The following FNDC3A variants were observed in gnomAD, a reference collection of about 807,000 sequenced individuals.
FNDC3A encodes the protein fibronectin type-III domain-containing protein 3A.
FNDC3A carries 32 observed loss-of-function variants against 148.9 expected under a neutral mutation model. The ratio of observed to expected loss-of-function variants is 0.21; its 90% CI spans 0.16 to 0.29. The LOEUF (loss-of-function observed/expected upper bound fraction) is 0.29. FNDC3A is among the 10% of genes least tolerant of loss of function. FNDC3A has a pLI of 1.00. For synonymous variants in FNDC3A, 472 were observed against 473.6 expected (o/e 1.00, Z 0.04); for missense variants, 1,191 against 1,452.8 (o/e 0.82, Z 2.93).
chr13:49,108,171 G>T (rs1297796912), intron 3 of FNDC3A, among the ~76,000 whole-genome samples: 1 of 152,144 alleles, frequency 6.6e-6, no homozygotes, highest in East Asian at 1.9e-4. Flanking sequence ...TAGAATGAAA[G>T]ACACGAGTTC....
At chr13:49,091,099 G>T (rs1426513598) in intron 3 of FNDC3A, among the ~76,000 whole-genome samples, 3 of 152,100 alleles carry the variant, frequency 2.0e-5, no homozygotes, top group Non-Finnish European at 4.4e-5. Context: ...CCTTGGCAAA[G>T]AGATAGTCTA....
At chr13:49,073,783 G>A (rs912180243) in intron 2 of FNDC3A, among the ~76,000 whole-genome samples, 21 of 142,688 alleles carry the variant, frequency 1.5e-4, no homozygotes, top group African/African-American at 5.4e-4. Flanking sequence ...ATATATATGT[G>A]TATATATTAT....
At chr13:49,181,001 A>G (rs527513735) in intron 14 of FNDC3A, among the ~76,000 whole-genome samples, 22 of 152,314 alleles carry the variant, frequency 1.4e-4, no homozygotes, top group African/African-American at 3.8e-4. Flanking sequence ...GGATCATATG[A>G]GCCCAGGATT....
intron 8 of FNDC3A, among the ~76,000 whole-genome samples, chr13:49,161,548 A>G (rs1884120424): frequency 6.6e-6 from 1 of 151,954 alleles, no homozygotes; most frequent in Admixed American, 6.6e-5. Context: ...ATGGGTCCTG[A>G]CTGTTTATCC....
chr13:49,170,093 G>A (rs1273958734), intron 10 of FNDC3A, among the ~76,000 whole-genome samples: 1 of 152,146 alleles, frequency 6.6e-6, no homozygotes, highest in Non-Finnish European at 1.5e-5. Context: ...TATATAAGAT[G>A]TAGGTGGTGG....
intron 2 of FNDC3A, among the ~76,000 whole-genome samples, chr13:49,050,975 C>T (rs1593519873): frequency 6.6e-6 from 1 of 152,118 alleles, no homozygotes; most frequent in East Asian, 1.9e-4. Context: ...CCTACTCCTA[C>T]TTTTGGTGTA....
chr13:49,021,480 C>T (rs557597791), intron 2 of FNDC3A, among the ~76,000 whole-genome samples: 4 of 152,270 alleles, frequency 2.6e-5, no homozygotes, highest in African/African-American at 7.2e-5. Flanking sequence ...GAGACTTTTA[C>T]GGTATTCCAA....
chr13:49,187,800 A>G (rs1885665536), intron 16 of FNDC3A: 1 of 641,564 alleles, frequency 1.6e-6, no homozygotes, highest in Non-Finnish European at 2.8e-6. Context: ...TTTGCCTGTT[A>G]TGATCCACTT....
In FNDC3A at chr13:49,014,556, C is replaced by G. The variant is rs1246823526; in HGVS notation, c.99+8267C>G. ...TCTCCCATTTTGTAGGTTGCCTGTTCACTCTGATGGTAGTTTCTTTTGCTG... is the reference window on the plus strand; with the variant it reads ...TCTCCCATTTTGTAGGTTGCCTGTTGACTCTGATGGTAGTTTCTTTTGCTG... On this transcript the variant is annotated intron_variant, in intron 2 of 25. Coordinates refer to ENST00000492622, the MANE Select transcript of FNDC3A (RefSeq NM_001079673.2). Among the ~76,000 whole-genome samples the G allele has an allele frequency of 2.7e-3, 406 of 149,038 alleles. 1 individual carries two copies. Among genetic ancestry groups the G allele is most frequent in the African/African-American group, 9.5e-3 (387 of 40,620 alleles).
chr13:49,183,055 A>G (rs549050223), intron 14 of FNDC3A, among the ~76,000 whole-genome samples: 4 of 152,282 alleles, frequency 2.6e-5, no homozygotes, highest in Middle Eastern at 3.4e-3. Flanking sequence ...TTAGTTTGAT[A>G]TAAGATTCTT....
At chr13:49,137,751 G>C (rs889885903) in intron 6 of FNDC3A, among the ~76,000 whole-genome samples, 1 of 152,218 alleles carries the variant, frequency 6.6e-6, no homozygotes, top group Non-Finnish European at 1.5e-5. Context: ...TTAGTACCCA[G>C]TACTTTTGAT....
rs755574706 is a variant in FNDC3A at position 49,006,300 on chromosome 13, T to C, written c.99+11T>C. The stretch of plus-strand genomic sequence containing the variant: ...GATGGAACACAACAGGTAAGAAAAC[T>C]GAAATGTTTATTTCTTTATGTCTAA... On this transcript the variant is annotated intron_variant, in intron 2 of 25. Transcript: ENST00000492622. 5.7e-5 allele frequency: 85 copies of C among 1,498,036 alleles called. No homozygotes were observed. Among genetic ancestry groups the C allele is most frequent in the East Asian group, 1.8e-4 (8 of 44,062 alleles). 92.8% of individuals were successfully genotyped at this position (1,498,036 alleles called of 1,614,324 possible). A position where few individuals can be genotyped will look rare whatever the true frequency, so the allele number is the denominator to read the frequency against.
chr13:48,997,893 T>G (rs1446944948), intron 1 of FNDC3A, among the ~76,000 whole-genome samples: 1 of 148,844 alleles, frequency 6.7e-6, no homozygotes, highest in South Asian at 2.1e-4. Context: ...TTTTGAGGTG[T>G]GTGCATTAAA....
At chr13:49,163,212 T>A (rs1335301660) in intron 8 of FNDC3A, among the ~76,000 whole-genome samples, 1 of 152,212 alleles carries the variant, frequency 6.6e-6, no homozygotes, top group African/African-American at 2.4e-5. Flanking sequence ...TGCTGCCTTT[T>A]GTTCAGCTAT....
intron 24 of FNDC3A, among the ~76,000 whole-genome samples, chr13:49,202,616 C>G (rs1226324493): frequency 1.3e-5 from 2 of 152,168 alleles, no homozygotes; most frequent in East Asian, 1.9e-4. Context: ...AACAGCAGAA[C>G]TCTTCTTGAC....
chr13:48,992,314 T>C (rs1184603851), intron 1 of FNDC3A, among the ~76,000 whole-genome samples: 3 of 152,170 alleles, frequency 2.0e-5, no homozygotes, highest in Admixed American at 6.5e-5. Flanking sequence ...TTTATCATAA[T>C]TTAAAACTTC....
intron 8 of FNDC3A, among the ~76,000 whole-genome samples, chr13:49,165,322 A>C (rs1218229325): frequency 1.3e-5 from 2 of 152,098 alleles, no homozygotes; most frequent in African/African-American, 4.8e-5. Flanking sequence ...GGTTGCTTTC[A>C]TAGGGGAGGA....
chr13:49,008,316 C>T (rs933409213), intron 2 of FNDC3A, among the ~76,000 whole-genome samples: 22 of 152,040 alleles, frequency 1.4e-4, no homozygotes, highest in African/African-American at 5.1e-4. Context: ...GAGGTGGGAG[C>T]GCAATAAACT....
At chr13:48,999,879 A>G (rs891126882) in intron 1 of FNDC3A, among the ~76,000 whole-genome samples, 1 of 152,176 alleles carries the variant, frequency 6.6e-6, no homozygotes, top group African/African-American at 2.4e-5. Flanking sequence ...CTTACCAAGA[A>G]CCAAATTTGC....
Sources: gnomAD v4.1 joint callset for allele counts (sites outside exome capture counted in the v4.1 genomes callset) on GRCh38, gnomAD v4.1.1 for gene constraint, MANE v1.5 for transcripts, NCBI Gene and HGNC (gene_info 2026-07-23, HGNC 2026-07-21) for gene names.